The following CFAP20DC variants were observed in gnomAD, a reference collection of about 807,000 sequenced individuals.
CFAP20DC encodes CFAP20 domain containing.
Under a neutral mutation model 101.7 loss-of-function variants are expected in CFAP20DC, and 84 were observed. The observed-to-expected ratio is 0.83, with a 90% CI of 0.69 to 0.99. CFAP20DC has a LOEUF of 0.99. Ranked by LOEUF, CFAP20DC falls within the 50% of genes least tolerant of loss-of-function variation. The pLI is 0.00. For synonymous variants in CFAP20DC, 359 were observed against 351.2 expected (o/e 1.02, Z -0.25); for missense variants, 1,007 against 970.3 (o/e 1.04, Z -0.50).
Position 58,722,131 on chromosome 3 carries a change from C to T in CFAP20DC, c.198-4503G>A, listed in dbSNP as rs1204993460. Reference sequence around the variant, plus strand: ...GAGAGAGTCAAGCCATGTGGAGAGGCCACATGTAGACCCTCTGGTCAATGG... The same window carrying T: ...GAGAGAGTCAAGCCATGTGGAGAGGTCACATGTAGACCCTCTGGTCAATGG... On this transcript the variant is annotated intron_variant, in intron 3 of 3. Coordinates refer to the CFAP20DC transcript ENST00000486145. This position sits in a 1 kb window ranked among gnomAD's most constrained non-coding sequence, Gnocchi z 4.5. Among the ~76,000 whole-genome samples the T allele has an allele frequency of 1.3e-5, 2 of 152,178 alleles. No homozygotes were observed. Among genetic ancestry groups the T allele is most frequent in the Non-Finnish European group, 2.9e-5 (2 of 68,040 alleles).
rs2079814209 is a variant in CFAP20DC, at chr3:58,867,738, A to G, written c.1135+79T>C. 1.9e-6 allele frequency: 3 copies of G among 1,545,868 alleles called. No homozygotes were observed. In the Admixed American group the frequency reaches 5.2e-5, roughly 27 times the overall value. On this transcript the variant is annotated intron_variant, in intron 10 of 16. Transcript: ENST00000482387. ...AAATGGATTGGTTCATAATCCTTTG[A>G]AATTTACAACCTGCAGAGAGAGATT...
At position 58,897,006 on chromosome 3, in the gene CFAP20DC, T is replaced by C. The variant is rs2082719433; in HGVS notation, c.551-12297A>G. Among the ~76,000 whole-genome samples the C allele has an allele frequency of 6.6e-6, 1 of 152,186 alleles. No homozygotes were observed. The highest frequency in any genetic ancestry group is 2.1e-4 in the South Asian group (1 of 4,828). On this transcript the variant is annotated intron_variant, in intron 6 of 16. Transcript: ENST00000482387. The surrounding 1 kb of genome is among the most constrained non-coding windows in gnomAD (Gnocchi z 4.4). ...GGGTGTTAAAGTCTCCCATTATTAT[T>C]GTATGGGAGTCTAAGTCTCTTTGAA...
chr3:59,017,236 A>G (rs971297926), intron 4 of CFAP20DC: 1 of 152,240 alleles, frequency 6.6e-6, no homozygotes, highest in African/African-American at 2.4e-5. Flanking sequence ...TGGACTAGAA[A>G]TGAAGCAAAA....
intron 6 of CFAP20DC, among the ~76,000 whole-genome samples, chr3:58,907,413 C>T (rs1337223630): frequency 6.6e-6 from 1 of 152,164 alleles, no homozygotes; most frequent in South Asian, 2.1e-4. Flanking sequence ...TCTTGCCAGA[C>T]CCTGAGCAGG....
intron 5 of CFAP20DC, among the ~76,000 whole-genome samples, chr3:58,934,558 A>G (rs1156470067): frequency 6.6e-6 from 1 of 152,226 alleles, no homozygotes; most frequent in African/African-American, 2.4e-5. Context: ...GCAGCATATC[A>G]AAAAGCTTAT....
rs2080531724 is a variant in CFAP20DC at position 58,874,169 on chromosome 3, G to C, written c.716-3860C>G. 6.6e-6 allele frequency among the ~76,000 whole-genome samples: 1 copy of C among 152,134 alleles called. No individual in the cohort carries two copies. The highest frequency in any genetic ancestry group is 1.5e-5 in the Non-Finnish European group (1 of 68,036). ...AACTGGAAACCTGGTCTAATGAATG[G>C]GACCACAATCCATCTGGTTTGAAAA... On this transcript the variant is annotated intron_variant, in intron 7 of 16. Transcript: ENST00000482387. The surrounding 1 kb of genome is among the most constrained non-coding windows in gnomAD (Gnocchi z 5.1).
At chr3:58,805,590 G>A (rs1051648231) in intron 15 of CFAP20DC, among the ~76,000 whole-genome samples, 1 of 152,324 alleles carries the variant, frequency 6.6e-6, no homozygotes, top group South Asian at 2.1e-4. Context: ...GGTCAGATGC[G>A]TTTGGATAAT....
intron 14 of CFAP20DC, among the ~76,000 whole-genome samples, chr3:58,827,721 A>G (rs1350252546): frequency 6.6e-6 from 1 of 152,166 alleles, no homozygotes; most frequent in Non-Finnish European, 1.5e-5. Context: ...TCGTTATTCT[A>G]TCACTTGCCA....
chr3:58,937,305 A>T (rs1202261014), intron 5 of CFAP20DC, among the ~76,000 whole-genome samples: 1 of 152,088 alleles, frequency 6.6e-6, no homozygotes, highest in Non-Finnish European at 1.5e-5. Context: ...CCCTGTTGAA[A>T]TCTTAGAGTT....
At chr3:58,855,850 G>T (rs1338988987) in intron 12 of CFAP20DC, among the ~76,000 whole-genome samples, 2 of 114,122 alleles carry the variant, frequency 1.8e-5, no homozygotes, top group Non-Finnish European at 3.5e-5. Context: ...TGGGGGGAGG[G>T]GGGAGGGATA....
At chr3:58,748,504 G>GTCTGTAAA (rs1488149730) in intron 16 of CFAP20DC, among the ~76,000 whole-genome samples, 2 of 152,052 alleles carry the variant, frequency 1.3e-5, no homozygotes, top group Non-Finnish European at 1.5e-5. Flanking sequence ...GATTTCCCCC[G>GTCTGTAAA]TCTGTAATCA....
chr3:58,966,077 G>C (rs1214368993), intron 4 of CFAP20DC, among the ~76,000 whole-genome samples: 2 of 152,164 alleles, frequency 1.3e-5, no homozygotes, highest in Non-Finnish European at 2.9e-5. Flanking sequence ...TAAAGTACAG[G>C]GCCTTGGGGC....
intron 15 of CFAP20DC, among the ~76,000 whole-genome samples, chr3:58,783,948 A>G (rs911706446): frequency 1.3e-5 from 2 of 152,066 alleles, no homozygotes; most frequent in Admixed American, 6.6e-5. Flanking sequence ...GAATGATCCC[A>G]TTATGCAGGT....
At chr3:58,812,066 A>G (rs1182622725) in intron 14 of CFAP20DC, among the ~76,000 whole-genome samples, 1 of 152,140 alleles carries the variant, frequency 6.6e-6, no homozygotes, top group Non-Finnish European at 1.5e-5. Context: ...CAGGTGCTGG[A>G]GAGGATGTGG....
At chr3:58,970,803 G>A (rs1393899032) in intron 4 of CFAP20DC, 1 of 152,092 alleles carries the variant, frequency 6.6e-6, no homozygotes, top group Non-Finnish European at 1.5e-5. Flanking sequence ...TATAAATGCA[G>A]GGTATTACTC....
intron 12 of CFAP20DC, among the ~76,000 whole-genome samples, chr3:58,852,305 T>A (rs1175979738): frequency 1.3e-5 from 2 of 152,052 alleles, no homozygotes; most frequent in Non-Finnish European, 2.9e-5. Flanking sequence ...TAAATATATA[T>A]GCAACCAATA....
In CFAP20DC at chr3:59,049,855, G is replaced by A. The variant is rs1459976794; in HGVS notation, c.-224C>T. ...GCACCATTGCGGCTCCAGCCTCCGC[G>A]GTGCCCGGGTCTGGGGAGGGCGCAG... On this transcript the variant is annotated 5_prime_UTR_variant, in exon 1 of 17. Coordinates refer to ENST00000482387, the MANE Select transcript of CFAP20DC (RefSeq NM_001394063.1). The A allele has an allele frequency of 5.0e-6, 3 of 602,956 alleles. No individual in the cohort carries two copies. The highest frequency in any genetic ancestry group is 8.7e-6 in the Non-Finnish European group (3 of 343,176). The allele number at this position is 602,956 out of a possible 1,614,324, so 37.4% of individuals were successfully genotyped here. A position where few individuals can be genotyped will look rare whatever the true frequency, so the allele number is the denominator to read the frequency against.
chr3:59,011,108 C>G (rs1306957562), intron 4 of CFAP20DC, among the ~76,000 whole-genome samples: 1 of 152,106 alleles, frequency 6.6e-6, no homozygotes, highest in Non-Finnish European at 1.5e-5. Context: ...ATCAAAAAGT[C>G]TGAATGAGGC....
At chr3:58,885,409 T>G (rs1170352472) in intron 6 of CFAP20DC, among the ~76,000 whole-genome samples, 2 of 152,132 alleles carry the variant, frequency 1.3e-5, no homozygotes, top group Admixed American at 1.3e-4. Context: ...TACATACACA[T>G]AATATATGGT....
Sources: gnomAD v4.1 joint callset for allele counts (sites outside exome capture counted in the v4.1 genomes callset) on GRCh38, gnomAD v4.1.1 for gene constraint, Gnocchi (gnomAD v3.1) non-coding constraint, MANE v1.5 for transcripts, NCBI Gene and HGNC (gene_info 2026-07-23, HGNC 2026-07-21) for gene names.